Variants in CYTH1 observed in about 807,000 individuals in gnomAD.
CYTH1 encodes cytohesin-1.
Under a neutral mutation model 61.8 loss-of-function variants are expected in CYTH1, and 18 were observed. The ratio of observed to expected loss-of-function variants is 0.29; its 90% confidence interval spans 0.20 to 0.43. The LOEUF is 0.43. Among genes scored for constraint, CYTH1 ranks in the 20% least tolerant of loss-of-function variants. CYTH1 has a pLI of 1.00. For missense variants in CYTH1, 336 were observed against 510.5 expected, an observed-to-expected ratio of 0.66 and a Z score of 3.29; for synonymous variants, 174 against 184.3, an observed-to-expected ratio of 0.94 and a Z score of 0.45.
chr17:78,745,468 T>C (rs1033965254), intron 1 of CYTH1, among the ~76,000 whole-genome samples: 1 of 152,172 alleles, frequency 6.6e-6, no homozygotes, highest in Non-Finnish European at 1.5e-5. Context: ...CTAGAAGTGG[T>C]TGCTACAGTA....
chr17:78,744,575 G>A (rs7224349), intron 1 of CYTH1, among the ~76,000 whole-genome samples: 3,406 of 152,194 alleles, frequency 0.022, 111 homozygotes, highest in African/African-American at 0.076. Flanking sequence ...TTCTACTTTG[G>A]TTACCTAAAA....
chr17:78,756,713 T>C (rs2093402686), intron 1 of CYTH1, among the ~76,000 whole-genome samples: 1 of 152,108 alleles, frequency 6.6e-6, no homozygotes, highest in African/African-American at 2.4e-5. Context: ...CAGATGTCTA[T>C]TAGAAAATAC....
chr17:78,752,725 G>A (rs1295402088), intron 1 of CYTH1, among the ~76,000 whole-genome samples: 1 of 152,104 alleles, frequency 6.6e-6, no homozygotes, highest in Admixed American at 6.5e-5. Flanking sequence ...CACTGCACCT[G>A]GCCAAGAGAG....
At chr17:78,697,474 C>T (rs948719069) in intron 9 of CYTH1, among the ~76,000 whole-genome samples, 2 of 152,044 alleles carry the variant, frequency 1.3e-5, no homozygotes, top group East Asian at 1.9e-4. Context: ...GTCACCTTCA[C>T]GGCAAGGCAT....
At chr17:78,753,939 C>G (rs1276176816) in intron 1 of CYTH1, among the ~76,000 whole-genome samples, 1 of 152,146 alleles carries the variant, frequency 6.6e-6, no homozygotes, top group East Asian at 1.9e-4. Context: ...CCCCACCTCA[C>G]CCCTTTTTTA....
Position 78,692,503 on chromosome 17 carries a change from A to G in CYTH1, c.815-10T>C. The G allele has an allele frequency of 6.2e-7, 1 of 1,613,796 alleles. No individual in the cohort carries two copies. The highest frequency in any genetic ancestry group is 8.5e-7 in the Non-Finnish European group (1 of 1,179,818). On this transcript the variant is annotated splice_polypyrimidine_tract_variant and intron_variant, in intron 10 of 13. Coordinates refer to ENST00000446868, the MANE Select transcript of CYTH1 (RefSeq NM_004762.6). ...GTCTTTACCCTGCCACCTGCAGAGC[A>G]AAAAGAGATGCACGTTCGACAAGAG...
Position 78,736,670 on chromosome 17 carries a change from G to C in CYTH1, c.23-26938C>G. 3 of 380,424 alleles carry C rather than the reference G, an allele frequency of 7.9e-6. 1 individual carries two copies. Among genetic ancestry groups the C allele is most frequent in the South Asian group, 5.8e-5 (3 of 52,092 alleles). 23.6% of individuals were successfully genotyped at this position (380,424 alleles called of 1,614,324 possible). A position where few individuals can be genotyped will look rare whatever the true frequency, so the allele number is the denominator to read the frequency against. On this transcript the variant is annotated intron_variant, in intron 1 of 13. Transcript: ENST00000446868. ...ACCCCAAGCCGCATCAGTCCCGGCC[G>C]GGGGCTGCGGCTTTGACTCACCGTC... is the stretch of plus-strand genomic sequence containing the variant.
chr17:78,742,791 G>A (rs534064518), intron 1 of CYTH1, among the ~76,000 whole-genome samples: 1 of 152,296 alleles, frequency 6.6e-6, no homozygotes, highest in Non-Finnish European at 1.5e-5. Context: ...GGAGGCAGAG[G>A]TTGCAGTGAG....
chr17:78,775,894 C>T (rs1944954039), intron 1 of CYTH1, among the ~76,000 whole-genome samples: 1 of 152,214 alleles, frequency 6.6e-6, no homozygotes, highest in Non-Finnish European at 1.5e-5. Context: ...GTGGCTCATA[C>T]CTGTAATCCC....
intron 11 of CYTH1, among the ~76,000 whole-genome samples, chr17:78,681,249 G>A (rs1052334009): frequency 5.3e-5 from 8 of 152,140 alleles, no homozygotes. Flanking sequence ...AGTCCTCCGC[G>A]AGTAGAAAGA....
chr17:78,749,305 T>C (rs1166915768), intron 1 of CYTH1, among the ~76,000 whole-genome samples: 3 of 152,040 alleles, frequency 2.0e-5, no homozygotes, highest in Admixed American at 2.0e-4. Context: ...ACTAAAAATA[T>C]AAAAATTAGC....
At chr17:78,681,485 T>C (rs34697321) in intron 11 of CYTH1, among the ~76,000 whole-genome samples, 8,705 of 152,114 alleles carry the variant, frequency 0.057, 469 homozygotes, top group South Asian at 0.15. Flanking sequence ...AACCACTCAC[T>C]GCCTCTGTCC....
At chr17:78,758,490 A>G (rs1440267020) in intron 1 of CYTH1, among the ~76,000 whole-genome samples, 1 of 152,182 alleles carries the variant, frequency 6.6e-6, no homozygotes, top group Non-Finnish European at 1.5e-5. Context: ...AGATCACCCG[A>G]GGTCAGGAGT....
chr17:78,708,216 G>T lies in CYTH1; in HGVS notation c.151C>A (p.Leu51Met). The T allele has an allele frequency of 6.2e-7, 1 of 1,613,546 alleles. No individual in the cohort carries two copies. Among genetic ancestry groups the T allele is most frequent in the African/African-American group, 1.3e-5 (1 of 74,962 alleles). ...IAEVANEIENLGSTEERKNMQ... is the reference protein window; with the variant it reads ...IAEVANEIENMGSTEERKNMQ... ...ACTCACCTTTCCTCTGTGGATCCCA[G>T]GTTTTCAATTTCATTAGCTACTTCT... The change falls in exon 3 of 14, where the codon CTG becomes ATG. Residue 51 changes from leucine to methionine, a missense_variant. Leu to Met is a conservative substitution (Grantham distance 15). Around this residue, in one of 4 missense-constraint regions of CYTH1, gnomAD observed 112 missense variants for 127.1 expected, o/e 0.88. Transcript: ENST00000446868.
intron 1 of CYTH1, among the ~76,000 whole-genome samples, chr17:78,773,812 C>T (rs115556687): frequency 1.3e-4 from 20 of 152,074 alleles, no homozygotes; most frequent in African/African-American, 4.8e-4. Context: ...AAAATCTAAC[C>T]TAAACCCCAG....
At position 78,750,086 on chromosome 17, in the gene CYTH1, C is replaced by A. The variant is rs111827950; in HGVS notation, c.22+32116G>T. ...GAAGGGAACATGAGATATGGGTGCACAGAGTGGCATCAGCTACGGGAAGCT... is the reference window on the plus strand; with the variant it reads ...GAAGGGAACATGAGATATGGGTGCAAAGAGTGGCATCAGCTACGGGAAGCT... On this transcript the variant is annotated intron_variant, in intron 1 of 13. Transcript: ENST00000446868. 3.3e-3 allele frequency among the ~76,000 whole-genome samples: 496 copies of A among 152,218 alleles called. 1 individual carries two copies. The highest frequency in any genetic ancestry group is 0.011 in the African/African-American group (475 of 41,518).
chr17:78,747,953 CG>C (rs766782705), intron 1 of CYTH1, among the ~76,000 whole-genome samples: 85 of 152,296 alleles, frequency 5.6e-4, no homozygotes, highest in Middle Eastern at 3.4e-3. Flanking sequence ...CCCCTATGCT[CG>C]GGTCCACTCT....
At chr17:78,758,522 T>C (rs779046192) in intron 1 of CYTH1, among the ~76,000 whole-genome samples, 163 of 152,122 alleles carry the variant, frequency 1.1e-3, no homozygotes, top group Non-Finnish European at 2.0e-3. Context: ...CTGACAAACA[T>C]GGAGAAACCC....
At chr17:78,757,049 G>A (rs149262953) in intron 1 of CYTH1, among the ~76,000 whole-genome samples, 2,595 of 137,850 alleles carry the variant, frequency 0.019, 40 homozygotes, top group Admixed American at 0.053. Flanking sequence ...CTGGGTTCAC[G>A]CCATTCTCCT....
Sources: gnomAD v4.1 joint callset for allele counts (sites outside exome capture counted in the v4.1 genomes callset) on GRCh38, gnomAD v4.1.1 for gene constraint, gnomAD v4.1.1 regional missense constraint, MANE v1.5 for transcripts, NCBI Gene and HGNC (gene_info 2026-07-23, HGNC 2026-07-21) for gene names.